Variants in ERBB4 observed in about 807,000 individuals in gnomAD.
The protein encoded by ERBB4 is erb-b2 receptor tyrosine kinase 4.
In ERBB4, 42 loss-of-function variants were observed where a neutral mutation model predicts 158.0. That is an observed-to-expected ratio of 0.27 (90% confidence interval 0.21 to 0.34). ERBB4 has a LOEUF of 0.34. ERBB4 is among the 10% of genes least tolerant of loss of function. The probability of loss-of-function intolerance (pLI) is 1.00; values close to 1 mark genes in which losing one functional copy is unlikely to be tolerated. For missense variants in ERBB4, 1,333 were observed against 1,624.1 expected (o/e 0.82, Z 3.08); for synonymous variants, 583 against 558.7 (o/e 1.04, Z -0.61).
intron 3 of ERBB4, among the ~76,000 whole-genome samples, chr2:211,817,403 T>C (rs2076902291): frequency 6.6e-6 from 1 of 152,160 alleles, no homozygotes; most frequent in Non-Finnish European, 1.5e-5. Context: ...GAACTTCTCT[T>C]TGGTATAGTT....
intron 1 of ERBB4, among the ~76,000 whole-genome samples, chr2:212,240,637 C>CA (rs71054188): frequency 0.015 from 544 of 35,776 alleles, 86 homozygotes; most frequent in East Asian, 0.05. Flanking sequence ...CACTCTGGCT[C>CA]AAAAAAAAAA....
chr2:211,970,678 G>A (rs1007306415), intron 2 of ERBB4, among the ~76,000 whole-genome samples: 15 of 151,902 alleles, frequency 9.9e-5, no homozygotes, highest in African/African-American at 3.4e-4. Flanking sequence ...GTCTGTTTTG[G>A]TAAAAATTAG....
At chr2:212,150,424 C>T (rs900234569) in intron 1 of ERBB4, among the ~76,000 whole-genome samples, 1 of 152,142 alleles carries the variant, frequency 6.6e-6, no homozygotes, top group African/African-American at 2.4e-5. Flanking sequence ...ATTACATGTA[C>T]AACAACTTAT....
intron 2 of ERBB4, among the ~76,000 whole-genome samples, chr2:211,987,279 C>T (rs1203933763): frequency 7.1e-6 from 1 of 141,076 alleles, no homozygotes; most frequent in Non-Finnish European, 1.5e-5. Flanking sequence ...CGAGATCGTG[C>T]CACTATACTC....
chr2:212,323,459 C>T (rs2087665119), intron 1 of ERBB4, among the ~76,000 whole-genome samples: 1 of 150,340 alleles, frequency 6.7e-6, no homozygotes, highest in Non-Finnish European at 1.5e-5. Context: ...ATACTTATTG[C>T]TCTTTGCTCT....
intron 19 of ERBB4, among the ~76,000 whole-genome samples, chr2:211,607,405 C>T (rs751771215): frequency 6.6e-6 from 1 of 152,162 alleles, no homozygotes; most frequent in Non-Finnish European, 1.5e-5. Flanking sequence ...CTTCTACTTA[C>T]AGCTTCTAAT....
chr2:211,774,208 G>A (rs1326409154), intron 4 of ERBB4, among the ~76,000 whole-genome samples: 1 of 151,830 alleles, frequency 6.6e-6, no homozygotes, highest in African/African-American at 2.4e-5. Context: ...GAGTAGCTGG[G>A]ATTACTAGCA....
intron 20 of ERBB4, among the ~76,000 whole-genome samples, chr2:211,503,370 C>A (rs2065664512): frequency 6.6e-6 from 1 of 152,098 alleles, no homozygotes; most frequent in Admixed American, 6.5e-5. Context: ...GTCCCACCAG[C>A]ACTGTTTGGG....
In ERBB4 at chr2:211,712,241, T is replaced by C; in HGVS notation, c.998-65A>G. ...TATTTTTGGCCAATAAATCATTGCA[T>C]CTTCATTATAAAATAGCAGAGTATT... On this transcript the variant is annotated intron_variant, in intron 8 of 27. Coordinates refer to ENST00000342788, the MANE Select transcript of ERBB4 (RefSeq NM_005235.3). 7.4e-6 allele frequency: 11 copies of C among 1,480,540 alleles called. No individual in the cohort carries two copies. The South Asian group carries it at 1.3e-4, about 17-fold the overall frequency. The allele number at this position is 1,480,540 out of a possible 1,614,324, so 91.7% of individuals were successfully genotyped here.
In ERBB4 at chr2:211,754,005, C is replaced by A. The variant is rs189269337; in HGVS notation, c.557-3301G>T. ...CCCGAGTAGCTGGGACTACAGGCGC[C>A]TGCCACCACGCCCGGCTAATTTTTT... On this transcript the variant is annotated intron_variant, in intron 4 of 27. Transcript: ENST00000342788. Among the ~76,000 whole-genome samples the A allele has an allele frequency of 1.2e-3, 186 of 151,718 alleles. 1 individual carries two copies. The highest frequency in any genetic ancestry group is 4.3e-3 in the African/African-American group (180 of 41,452).
At chr2:212,494,685 G>C (rs532045984) in intron 1 of ERBB4, among the ~76,000 whole-genome samples, 4 of 152,106 alleles carry the variant, frequency 2.6e-5, no homozygotes, top group African/African-American at 9.6e-5. Context: ...TGACTGCTTT[G>C]TACATATCAA....
At chr2:211,451,796 T>A (rs1330023784) in intron 20 of ERBB4, among the ~76,000 whole-genome samples, 4 of 152,176 alleles carry the variant, frequency 2.6e-5, no homozygotes, top group Non-Finnish European at 5.9e-5. Flanking sequence ...TAAGGCTGTA[T>A]AAAAGGATCC....
At chr2:211,790,418 C>G (rs1470505832) in intron 3 of ERBB4, among the ~76,000 whole-genome samples, 3 of 151,954 alleles carry the variant, frequency 2.0e-5, no homozygotes, top group Non-Finnish European at 4.4e-5. Context: ...CAAAGGAACA[C>G]AGTATCCATC....
chr2:211,869,623 T>G (rs1360287100), intron 3 of ERBB4, among the ~76,000 whole-genome samples: 1 of 152,130 alleles, frequency 6.6e-6, no homozygotes, highest in Non-Finnish European at 1.5e-5. Flanking sequence ...TCAGTAAATG[T>G]TTATTGAACT....
intron 1 of ERBB4, among the ~76,000 whole-genome samples, chr2:212,191,771 A>G (rs1020455302): frequency 7.2e-6 from 1 of 138,662 alleles, no homozygotes; most frequent in Admixed American, 7.5e-5. Context: ...CATGTTATAT[A>G]TAACACGTGT....
At chr2:212,015,841 T>G (rs2076516432) in intron 2 of ERBB4, among the ~76,000 whole-genome samples, 3 of 152,158 alleles carry the variant, frequency 2.0e-5, no homozygotes, top group African/African-American at 4.8e-5. Flanking sequence ...CCCTTTGACC[T>G]TGAACAGTTT....
intron 20 of ERBB4, among the ~76,000 whole-genome samples, chr2:211,488,064 C>CAA (rs2065250402): frequency 6.7e-6 from 1 of 149,366 alleles, no homozygotes; most frequent in Non-Finnish European, 1.5e-5. Flanking sequence ...CTGGAAGAAC[C>CAA]ACATTTTTTT....
At chr2:211,729,069 A>G (rs113273024) in intron 5 of ERBB4, among the ~76,000 whole-genome samples, 91 of 151,964 alleles carry the variant, frequency 6.0e-4, no homozygotes, top group Admixed American at 1.2e-3. Flanking sequence ...CTGTGGAACT[A>G]TTAAAATATT....
chr2:212,307,048 G>C (rs1192950424), intron 1 of ERBB4, among the ~76,000 whole-genome samples: 1 of 151,212 alleles, frequency 6.6e-6, no homozygotes, highest in African/African-American at 2.4e-5. Context: ...TATTGAGTAA[G>C]AGAACAGACT....
Sources: gnomAD v4.1 joint callset for allele counts (sites outside exome capture counted in the v4.1 genomes callset) on GRCh38, gnomAD v4.1.1 for gene constraint, MANE v1.5 for transcripts, NCBI Gene and HGNC (gene_info 2026-07-23, HGNC 2026-07-21) for gene names.